Variants in PHGDH observed in about 807,000 individuals in gnomAD.
PHGDH encodes the protein phosphoglycerate dehydrogenase, also known as D-3-phosphoglycerate dehydrogenase.
A neutral mutation model predicts 52.6 loss-of-function variants in PHGDH; 50 were observed. The ratio of observed to expected loss-of-function variants is 0.95; its 90% CI spans 0.76 to 1.20. The LOEUF is 1.20. Ranked by LOEUF, PHGDH falls within the 50% of genes most tolerant of loss-of-function variation. PHGDH has a pLI of 0.00. For missense variants in PHGDH, 630 were observed against 684.6 expected (o/e 0.92, Z 0.89); for synonymous variants, 271 against 280.5 (o/e 0.97, Z 0.34).
rs587701738 is a variant in PHGDH, at chr1:119,721,484, G to A, written c.290+163G>A. ...CTGCATGGTCAACACACACAGCATA[G>A]TGGTTTCAAGGTTTTTGGAAGGCAG... On this transcript the variant is annotated intron_variant, in intron 2 of 11. Coordinates refer to ENST00000641023, the MANE Select transcript of PHGDH (RefSeq NM_006623.4). 204 of 660,142 alleles carry A rather than the reference G, an allele frequency of 3.1e-4. No homozygotes were observed. In the South Asian group the frequency reaches 3.9e-3, roughly 13 times the overall value. The allele number at this position is 660,142 out of a possible 1,614,324, so 40.9% of individuals were successfully genotyped here.
Position 119,735,428 on chromosome 1 carries a change from G to A in PHGDH, c.777G>A (p.Leu259=). 1 of 1,613,392 alleles carries A rather than the reference G, an allele frequency of 6.2e-7. No homozygotes were observed. Among genetic ancestry groups the A allele is most frequent in the Non-Finnish European group, 8.5e-7 (1 of 1,180,028 alleles). Reference sequence around the variant, plus strand: ...CTGGCCAGTGTGCCGGGGCTGCACTGGACGTGTTTACGGAAGTAAGTGCCT... The same window carrying A: ...CTGGCCAGTGTGCCGGGGCTGCACTAGACGTGTTTACGGAAGTAAGTGCCT... The part of the protein sequence containing the change: ...LQSGQCAGAA[L]DVFTEEPPRD... Residue 259 remains leucine, a synonymous_variant, in exon 7 of 12, where the codon CTG becomes CTA. Transcript: ENST00000641023.
intron 5 of PHGDH, among the ~76,000 whole-genome samples, chr1:119,729,160 C>T (rs1651580010): frequency 6.6e-6 from 1 of 152,084 alleles, no homozygotes; most frequent in South Asian, 2.1e-4. Context: ...ATTCTTGATC[C>T]CTGGACTCCT....
intron 8 of PHGDH, 41 bp from the exon 9 acceptor site, chr1:119,740,345 G>T: frequency 6.2e-7 from 1 of 1,612,892 alleles, no homozygotes; most frequent in Non-Finnish European, 8.5e-7. Context: ...GATCTGCCAT[G>T]CCTCTTCCTG....
chr1:119,731,705 T>C (rs1651700910), intron 5 of PHGDH, among the ~76,000 whole-genome samples: 1 of 152,230 alleles, frequency 6.6e-6, no homozygotes, highest in Non-Finnish European at 1.5e-5. Context: ...ATAATGCAAC[T>C]ATGAACTGGT....
chr1:119,732,713 G>C (rs775168192), intron 5 of PHGDH, among the ~76,000 whole-genome samples: 2 of 152,152 alleles, frequency 1.3e-5, no homozygotes, highest in Non-Finnish European at 2.9e-5. Flanking sequence ...TCAGTGCTTC[G>C]CTCACCCCTG....
chr1:119,719,123 G>C (rs182221569), intron 1 of PHGDH, among the ~76,000 whole-genome samples: 1 of 152,116 alleles, frequency 6.6e-6, no homozygotes, highest in Admixed American at 6.5e-5. Context: ...AGGCTGCTAT[G>C]GGGGGAAATC....
chr1:119,722,467 T>G (rs1651211920), intron 2 of PHGDH, among the ~76,000 whole-genome samples: 1 of 152,192 alleles, frequency 6.6e-6, no homozygotes, highest in Non-Finnish European at 1.5e-5. Context: ...CCTCTATTTT[T>G]TTGTTTATAA....
At chr1:119,741,492 C>T (rs1652204725) in intron 9 of PHGDH, among the ~76,000 whole-genome samples, 1 of 152,156 alleles carries the variant, frequency 6.6e-6, no homozygotes, top group South Asian at 2.1e-4. Flanking sequence ...ATGGCCAAGC[C>T]AGGTGCAGGG....
intron 8 of PHGDH, among the ~76,000 whole-genome samples, chr1:119,737,826 G>A (rs1397188623): frequency 6.6e-6 from 1 of 152,108 alleles, no homozygotes; most frequent in Non-Finnish European, 1.5e-5. Flanking sequence ...CGTCTCCTAC[G>A]AGCTTAACCT....
rs1428856250 is a variant in PHGDH, at chr1:119,735,336, G to T, written c.685G>T (p.Val229Leu). The T allele has an allele frequency of 1.2e-6, 2 of 1,614,244 alleles. No individual in the cohort carries two copies. Among genetic ancestry groups the T allele is most frequent in the Admixed American group, 1.7e-5 (1 of 60,034 alleles). Residue 229 changes from valine to leucine, a missense_variant, in exon 7 of 12, where the codon GTG (valine) becomes TTG (leucine). Coordinates refer to ENST00000641023, the MANE Select transcript of PHGDH (RefSeq NM_006623.4). Reference sequence around the variant, plus strand: ...CACCTTTGCCCAGTGCAAGAAGGGGGTGCGTGTGGTGAACTGTGCCCGTGG... The same window carrying T: ...CACCTTTGCCCAGTGCAAGAAGGGGTTGCGTGTGGTGAACTGTGCCCGTGG... The part of the protein sequence containing the change: ...DNTFAQCKKG[V>L]RVVNCARGGI...
intron 5 of PHGDH, among the ~76,000 whole-genome samples, chr1:119,733,345 T>A (rs1193864667): frequency 9.2e-6 from 1 of 108,552 alleles, no homozygotes; most frequent in Non-Finnish European, 1.9e-5. Context: ...TTTTGTTTTA[T>A]TTTTTTTTTT....
At chr1:119,731,208 G>A (rs183263484) in intron 5 of PHGDH, among the ~76,000 whole-genome samples, 1 of 152,274 alleles carries the variant, frequency 6.6e-6, no homozygotes, top group Admixed American at 6.5e-5. Context: ...GAGCAAGGGA[G>A]GTGACATTCC....
At chr1:119,739,360 C>T (rs1652084675) in intron 8 of PHGDH, 1 of 152,228 alleles carries the variant, frequency 6.6e-6, no homozygotes, top group South Asian at 2.1e-4. Flanking sequence ...GATCTCCTCC[C>T]AGCAGCTAGC....
At chr1:119,734,611 C>T (rs1557976716) in intron 5 of PHGDH, 23 bp from the exon 6 acceptor site, 1 of 1,612,276 alleles carries the variant, frequency 6.2e-7, no homozygotes, top group Non-Finnish European at 8.5e-7. Context: ...GACACTTCCT[C>T]CCTCTCTCTT....
chr1:119,739,054 A>G (rs1159819896), intron 8 of PHGDH, among the ~76,000 whole-genome samples: 1 of 152,200 alleles, frequency 6.6e-6, no homozygotes, highest in South Asian at 2.1e-4. Flanking sequence ...TCTTCCCTGC[A>G]TTTTCCCCAG....
intron 1 of PHGDH, chr1:119,720,826 T>C (rs1427277027): frequency 2.7e-6 from 1 of 370,144 alleles, no homozygotes; most frequent in Non-Finnish European, 5.2e-6. Flanking sequence ...ACTTCCAGCA[T>C]GTGTCTGATG....
At chr1:119,741,329 G>A (rs765545005) in intron 9 of PHGDH, among the ~76,000 whole-genome samples, 8 of 152,168 alleles carry the variant, frequency 5.3e-5, no homozygotes, top group Non-Finnish European at 5.9e-5. Flanking sequence ...GTGTCCAAGC[G>A]CCGAAGGAAA....
intron 2 of PHGDH, among the ~76,000 whole-genome samples, chr1:119,722,539 C>A (rs752284446): frequency 6.6e-6 from 1 of 152,030 alleles, no homozygotes; most frequent in Non-Finnish European, 1.5e-5. Flanking sequence ...CAGTTCAGAA[C>A]TTGTTGAGAG....
At chr1:119,715,167 A>G (rs1650873811) in intron 1 of PHGDH, among the ~76,000 whole-genome samples, 1 of 152,230 alleles carries the variant, frequency 6.6e-6, no homozygotes. Flanking sequence ...AGACACACAC[A>G]AATTTTATGA....
Sources: gnomAD v4.1 joint callset for allele counts (sites outside exome capture counted in the v4.1 genomes callset) on GRCh38, gnomAD v4.1.1 for gene constraint, MANE v1.5 for transcripts, NCBI Gene and HGNC (gene_info 2026-07-23, HGNC 2026-07-21) for gene names.